RPTOR: variants seen among roughly 807,000 people sequenced by gnomAD.
The protein encoded by RPTOR is regulatory-associated protein of mTOR.
In RPTOR, 21 loss-of-function variants were observed where a neutral mutation model predicts 169.9. The ratio of observed to expected loss-of-function variants is 0.12; its 90% CI spans 0.09 to 0.18. The LOEUF (loss-of-function observed/expected upper bound fraction) is 0.18. RPTOR is among the 10% of genes least tolerant of loss of function. The pLI, the probability that RPTOR is intolerant of heterozygous loss-of-function variation, is 1.00. For synonymous variants in RPTOR, 732 were observed against 753.2 expected, an observed-to-expected ratio of 0.97 and a Z score of 0.46; for missense variants, 1,133 against 1,855.9, an observed-to-expected ratio of 0.61 and a Z score of 7.16.
intron 10 of RPTOR, among the ~76,000 whole-genome samples, chr17:80,841,876 CGCAGCTCACTCTTACCGCACG>C (rs1460316705): frequency 0.026 from 2,358 of 89,102 alleles, 353 homozygotes; most frequent in African/African-American, 0.032. Context: ...CTCACCGCAC[CGCAGCTCACTCTTACCGCACG>C]GCAGCTCACT....
At chr17:80,920,973 A>G (rs2068737875) in intron 21 of RPTOR, among the ~76,000 whole-genome samples, 1 of 152,236 alleles carries the variant, frequency 6.6e-6, no homozygotes, top group Non-Finnish European at 1.5e-5. Context: ...AAGAACATGT[A>G]TTACTCTTGT....
At chr17:80,636,552 G>A (rs374432352) in intron 2 of RPTOR, among the ~76,000 whole-genome samples, 2 of 152,160 alleles carry the variant, frequency 1.3e-5, no homozygotes, top group African/African-American at 2.4e-5. Context: ...AAAAGCAGAA[G>A]TGTGCGTCTA....
chr17:80,924,700 C>G (rs1598404445), intron 23 of RPTOR, among the ~76,000 whole-genome samples: 1 of 152,082 alleles, frequency 6.6e-6, no homozygotes, highest in East Asian at 1.9e-4. Context: ...ACTGCACCTG[C>G]CCTGAGATCA....
chr17:80,804,859 C>G (rs1174130832), intron 7 of RPTOR: 1 of 152,182 alleles, frequency 6.6e-6, no homozygotes, highest in African/African-American at 2.4e-5. Flanking sequence ...TCTCAAAGGG[C>G]GGGTTCCATG....
At chr17:80,815,339 A>C (rs1170416497) in intron 7 of RPTOR, among the ~76,000 whole-genome samples, 1 of 152,212 alleles carries the variant, frequency 6.6e-6, no homozygotes, top group African/African-American at 2.4e-5. Flanking sequence ...TGCCACTCCA[A>C]CTCGGAGGTG....
chr17:80,914,785 CA>C (rs1321020389), intron 21 of RPTOR, among the ~76,000 whole-genome samples: 1 of 152,242 alleles, frequency 6.6e-6, no homozygotes, highest in Non-Finnish European at 1.5e-5. Context: ...CCCCTCGGCA[CA>C]ATCAGCCTGG....
At chr17:80,679,317 C>T (rs149367290) in intron 3 of RPTOR, among the ~76,000 whole-genome samples, 4 of 152,328 alleles carry the variant, frequency 2.6e-5, no homozygotes, top group Admixed American at 1.3e-4. Flanking sequence ...TGTGAATTGA[C>T]GGCTAGGCTC....
intron 4 of RPTOR, among the ~76,000 whole-genome samples, chr17:80,723,340 G>A (rs2066303094): frequency 6.6e-6 from 1 of 151,162 alleles, no homozygotes; most frequent in African/African-American, 2.5e-5. Flanking sequence ...TAATGGTGGT[G>A]CTGTACCTCC....
chr17:80,876,801 A>G (rs373653770), intron 13 of RPTOR, among the ~76,000 whole-genome samples: 10 of 52,880 alleles, frequency 1.9e-4, no homozygotes, highest in Admixed American at 1.0e-3. Context: ...CCCGTGCCAC[A>G]CAGGGTGTGT....
intron 7 of RPTOR, among the ~76,000 whole-genome samples, chr17:80,807,570 T>G (rs2067231592): frequency 6.6e-6 from 1 of 152,208 alleles, no homozygotes; most frequent in South Asian, 2.1e-4. Context: ...CAGGCTGGTC[T>G]TGAACTCCTG....
chr17:80,583,196 T>TTTTG (rs2065031542), intron 1 of RPTOR, among the ~76,000 whole-genome samples: 1 of 137,374 alleles, frequency 7.3e-6, no homozygotes, highest in African/African-American at 2.7e-5. Context: ...TTTTTTTTTT[T>TTTTG]TTTTTTTTTT....
intron 1 of RPTOR, among the ~76,000 whole-genome samples, chr17:80,572,229 C>T (rs1302641149): frequency 6.6e-6 from 1 of 152,114 alleles, no homozygotes; most frequent in Non-Finnish European, 1.5e-5. Context: ...TCCCAAGTAG[C>T]CAGGACTACA....
At position 80,880,425 on chromosome 17, in the gene RPTOR, C is replaced by T. The variant is rs2068173704; in HGVS notation, c.1520C>T (p.Ala507Val). The T allele has an allele frequency of 3.7e-6, 6 of 1,613,724 alleles. No homozygotes were observed. Among genetic ancestry groups the T allele is most frequent in the African/African-American group, 1.3e-5 (1 of 75,050 alleles). The stretch of plus-strand genomic sequence containing the variant: ...TCTCTTTCTGTCCAGTCGTGCCAAG[C>T]GGACCTCGTGAAGGACAACGGCCAC... ...KILAVDSSCQ[A>V]DLVKDNGHKY... is the part of the protein sequence containing the mutation. Residue 507 changes from alanine (A) to valine (V), a missense_variant, in exon 14 of 34, where the codon GCG becomes GTG. By Grantham distance (64) the Ala-to-Val change is moderately conservative. Coordinates refer to ENST00000306801, the MANE Select transcript of RPTOR (RefSeq NM_020761.3).
Position 80,646,139 on chromosome 17 carries a change from G to T in RPTOR, c.348+2329G>T, listed in dbSNP as rs779812434. Among the ~76,000 whole-genome samples, 3 of 152,150 alleles carry T rather than the reference G, an allele frequency of 2.0e-5. No individual in the cohort carries two copies. Among genetic ancestry groups the T allele is most frequent in the Non-Finnish European group, 4.4e-5 (3 of 68,024 alleles). The stretch of plus-strand genomic sequence containing the variant: ...AGGAAGCTGTTCTTGCACACAGAGT[G>T]GGATCTTTTGTCCCCATTCAGGAAG... On this transcript the variant is annotated intron_variant, in intron 3 of 33. Coordinates refer to ENST00000306801, the MANE Select transcript of RPTOR (RefSeq NM_020761.3). The surrounding 1 kb of genome is among the most constrained non-coding windows in gnomAD (Gnocchi z 5.0).
At chr17:80,576,473 T>C (rs938364631) in intron 1 of RPTOR, among the ~76,000 whole-genome samples, 1 of 152,236 alleles carries the variant, frequency 6.6e-6, no homozygotes, top group Non-Finnish European at 1.5e-5. Context: ...TGAGTATTGC[T>C]GTGTACAGTA....
intron 3 of RPTOR, among the ~76,000 whole-genome samples, chr17:80,662,276 C>A (rs970656960): frequency 5.3e-5 from 8 of 152,176 alleles, no homozygotes; most frequent in Non-Finnish European, 1.0e-4. Context: ...CTGAACGCCC[C>A]GATGAGTTCG....
At chr17:80,865,506 T>C (rs1244385450) in intron 13 of RPTOR, among the ~76,000 whole-genome samples, 1 of 152,146 alleles carries the variant, frequency 6.6e-6, no homozygotes, top group African/African-American at 2.4e-5. Flanking sequence ...CCTATGTTAA[T>C]ATCAGACAGA....
At chr17:80,639,302 T>G (rs1012482680) in intron 2 of RPTOR, among the ~76,000 whole-genome samples, 2 of 151,436 alleles carry the variant, frequency 1.3e-5, no homozygotes, top group Non-Finnish European at 2.9e-5. Flanking sequence ...GTTTATTAAG[T>G]GTCTGCTAAA....
At chr17:80,809,628 A>G (rs1209467091) in intron 7 of RPTOR, among the ~76,000 whole-genome samples, 2 of 152,150 alleles carry the variant, frequency 1.3e-5, no homozygotes, top group African/African-American at 2.4e-5. Context: ...TCTCTTGCCA[A>G]TTTTCAAATT....
Sources: gnomAD v4.1 joint callset for allele counts (sites outside exome capture counted in the v4.1 genomes callset) on GRCh38, gnomAD v4.1.1 for gene constraint, Gnocchi (gnomAD v3.1) non-coding constraint, MANE v1.5 for transcripts, NCBI Gene and HGNC (gene_info 2026-07-23, HGNC 2026-07-21) for gene names.